Variants in CNTN4 observed in about 807,000 individuals in gnomAD.
CNTN4 encodes the protein contactin 4.
Under a neutral mutation model 122.5 loss-of-function variants are expected in CNTN4, and 77 were observed. The observed-to-expected ratio is 0.63, with a 90% CI of 0.52 to 0.76. CNTN4 has a LOEUF of 0.76. CNTN4 is among the 30% of genes least tolerant of loss of function. CNTN4 has a pLI of 0.00. For synonymous variants in CNTN4, 512 were observed against 447.0 expected, an observed-to-expected ratio of 1.15 and a Z score of -1.83; for missense variants, 1,256 against 1,259.1, an observed-to-expected ratio of 1.00 and a Z score of 0.04.
chr3:2,908,242 G>C (rs893526077), intron 12 of CNTN4, among the ~76,000 whole-genome samples: 1 of 152,302 alleles, frequency 6.6e-6, no homozygotes, highest in African/African-American at 2.4e-5. Flanking sequence ...ACTAAGTTAG[G>C]TATTTTGTTG....
intron 2 of CNTN4, among the ~76,000 whole-genome samples, chr3:2,119,006 G>A (rs2033550354): frequency 6.6e-6 from 1 of 151,988 alleles, no homozygotes; most frequent in African/African-American, 2.4e-5. Context: ...GGTCAAACAT[G>A]TCTGGATGAT....
At chr3:2,808,675 G>A (rs2092529951) in intron 6 of CNTN4, among the ~76,000 whole-genome samples, 1 of 152,174 alleles carries the variant, frequency 6.6e-6, no homozygotes, top group Non-Finnish European at 1.5e-5. Context: ...GAGTGGGCGA[G>A]TGGGTGGGAG....
intron 3 of CNTN4, among the ~76,000 whole-genome samples, chr3:2,375,156 G>T (rs1415345893): frequency 6.6e-6 from 1 of 152,180 alleles, no homozygotes; most frequent in African/African-American, 2.4e-5. Context: ...AGTCTCTAGT[G>T]TCTCTAAATA....
chr3:2,429,037 A>G (rs945119370), intron 3 of CNTN4, among the ~76,000 whole-genome samples: 1 of 152,000 alleles, frequency 6.6e-6, no homozygotes, highest in African/African-American at 2.4e-5. Flanking sequence ...TTTTGCTCAG[A>G]GAGGTTTGTT....
At chr3:2,127,541 A>T (rs1390212170) in intron 2 of CNTN4, among the ~76,000 whole-genome samples, 3 of 151,972 alleles carry the variant, frequency 2.0e-5, no homozygotes, top group East Asian at 1.9e-4. Context: ...TGATTGTTTT[A>T]AAAAAAATCA....
chr3:2,735,973 G>A (rs367590722), intron 4 of CNTN4: 1 of 623,664 alleles, frequency 1.6e-6, no homozygotes, highest in African/African-American at 1.8e-5. Context: ...CCTGCGCCTG[G>A]AAGTTGTTAG....
At chr3:2,423,701 G>T (rs1222909971) in intron 3 of CNTN4, among the ~76,000 whole-genome samples, 1 of 151,890 alleles carries the variant, frequency 6.6e-6, no homozygotes, top group African/African-American at 2.4e-5. Flanking sequence ...CTAGCTATTT[G>T]TAGTTTTGTA....
At chr3:2,352,084 C>G (rs1360943124) in intron 3 of CNTN4, among the ~76,000 whole-genome samples, 4 of 152,128 alleles carry the variant, frequency 2.6e-5, no homozygotes, top group Non-Finnish European at 4.4e-5. Flanking sequence ...TATGATTTAT[C>G]AATTCATACT....
intron 3 of CNTN4, among the ~76,000 whole-genome samples, chr3:2,533,666 G>C (rs1478860306): frequency 6.6e-6 from 1 of 152,144 alleles, no homozygotes; most frequent in Non-Finnish European, 1.5e-5. Flanking sequence ...TGGGATGGCT[G>C]GGTCAAATGG....
intron 2 of CNTN4, among the ~76,000 whole-genome samples, chr3:2,306,841 T>C (rs1559437179): frequency 1.3e-5 from 2 of 152,052 alleles, no homozygotes; most frequent in South Asian, 4.1e-4. Flanking sequence ...AATATACTGA[T>C]TTTATTAAAT....
intron 4 of CNTN4, among the ~76,000 whole-genome samples, chr3:2,673,243 G>A (rs893326230): frequency 1.3e-5 from 2 of 152,110 alleles, no homozygotes; most frequent in Non-Finnish European, 2.9e-5. Flanking sequence ...CAGTAAAATA[G>A]GTATAAAAGG....
intron 8 of CNTN4, among the ~76,000 whole-genome samples, chr3:2,877,441 T>A (rs1405382350): frequency 6.6e-6 from 1 of 152,258 alleles, no homozygotes; most frequent in Non-Finnish European, 1.5e-5. Context: ...TATAATGAAT[T>A]AAGACATTTT....
intron 3 of CNTN4, among the ~76,000 whole-genome samples, chr3:2,481,756 C>T (rs747851165): frequency 1.3e-5 from 2 of 152,006 alleles, no homozygotes; most frequent in Admixed American, 6.6e-5. Flanking sequence ...ATGCTGTTCT[C>T]ATGTTAGTGA....
intron 14 of CNTN4, among the ~76,000 whole-genome samples, chr3:3,015,125 G>A (rs903009977): frequency 1.3e-5 from 2 of 152,228 alleles, no homozygotes; most frequent in East Asian, 1.9e-4. Flanking sequence ...CACTGAATGT[G>A]TATATAGGTC....
chr3:2,708,758 C>T (rs905605818), intron 4 of CNTN4, among the ~76,000 whole-genome samples: 1 of 99,308 alleles, frequency 1.0e-5, no homozygotes, highest in Non-Finnish European at 2.3e-5. Flanking sequence ...CACACACACA[C>T]ACACACACAC....
At chr3:2,868,888 C>A (rs917164106) in intron 8 of CNTN4, among the ~76,000 whole-genome samples, 5 of 152,140 alleles carry the variant, frequency 3.3e-5, no homozygotes, top group Admixed American at 2.6e-4. Flanking sequence ...CCATGGAAAG[C>A]CTTTCTAAGG....
intron 6 of CNTN4, among the ~76,000 whole-genome samples, chr3:2,781,712 G>A (rs1382068454): frequency 7.0e-6 from 1 of 142,146 alleles, no homozygotes; most frequent in East Asian, 2.1e-4. Context: ...CAGGCTTTGG[G>A]TAAATTTTTT....
chr3:2,173,552 T>C (rs1436593997), intron 2 of CNTN4, among the ~76,000 whole-genome samples: 2 of 152,194 alleles, frequency 1.3e-5, no homozygotes, highest in South Asian at 2.1e-4. Context: ...TGTTAATGGA[T>C]AGAAAGGGAT....
intron 12 of CNTN4, among the ~76,000 whole-genome samples, chr3:2,906,635 C>T (rs1009723327): frequency 1.3e-5 from 2 of 151,706 alleles, no homozygotes; most frequent in South Asian, 2.1e-4. Flanking sequence ...GTTGGGAGAT[C>T]GAGCCCAGCC....
Sources: gnomAD v4.1 joint callset for allele counts (sites outside exome capture counted in the v4.1 genomes callset) on GRCh38, gnomAD v4.1.1 for gene constraint, MANE v1.5 for transcripts, NCBI Gene and HGNC (gene_info 2026-07-23, HGNC 2026-07-21) for gene names.